CYB5R4: variants seen among roughly 807,000 people sequenced by gnomAD.
The protein encoded by CYB5R4 is cytochrome b5 reductase 4, also known as N-terminal cytochrome b5 and cytochrome b5 oxidoreductase domain-containing protein.
CYB5R4 carries 55 observed loss-of-function variants against 70.2 expected under a neutral mutation model. The observed-to-expected ratio is 0.78, with a 90% confidence interval of 0.63 to 0.98. CYB5R4 has a LOEUF of 0.98. Ranked by LOEUF, CYB5R4 falls within the 50% of genes least tolerant of loss-of-function variation. The pLI, the probability that CYB5R4 is intolerant of heterozygous loss-of-function variation, is 0.00. For missense variants in CYB5R4, 562 were observed against 612.6 expected (o/e 0.92, Z 0.87); for synonymous variants, 197 against 199.5 (o/e 0.99, Z 0.11).
chr6:83,921,458 T>G (rs577681583), intron 8 of CYB5R4, among the ~76,000 whole-genome samples: 34 of 152,344 alleles, frequency 2.2e-4, no homozygotes, highest in Middle Eastern at 6.8e-3. Flanking sequence ...GCCTGACACC[T>G]ACAAGAAGTC....
chr6:83,864,400 C>G, intron 2 of CYB5R4, 72 bp downstream of exon 2: 1 of 1,318,134 alleles, frequency 7.6e-7, no homozygotes, highest in Admixed American at 2.3e-5. Flanking sequence ...CATAACCTCA[C>G]AGTCATGTTA....
chr6:83,898,864 G>A (rs1046095269), intron 3 of CYB5R4, among the ~76,000 whole-genome samples: 2 of 152,144 alleles, frequency 1.3e-5, no homozygotes, highest in Admixed American at 1.3e-4. Flanking sequence ...GAGATTTTGG[G>A]CTGAGATGAT....
rs1375318110 is a variant in CYB5R4 at position 83,859,841 on chromosome 6, C to G, written c.59C>G (p.Ser20Cys). 6.2e-7 allele frequency: 1 copy of G among 1,612,856 alleles called. No individual in the cohort carries two copies. Among genetic ancestry groups the G allele is most frequent in the African/African-American group, 1.3e-5 (1 of 74,918 alleles). The change falls in exon 1 of 16, where the codon TCC becomes TGC. Residue 20 changes from serine to cysteine, a missense_variant. Coordinates refer to ENST00000369681, the MANE Select transcript of CYB5R4 (RefSeq NM_016230.4). ...PAPRSQQRVA[S>C]GGRSKVPLKQ... ...CCCAGGTCGCAGCAGCGTGTCGCCTCCGGGGGGCGTAGCAAGGTAAGCGGG... is the reference window on the plus strand; with the variant it reads ...CCCAGGTCGCAGCAGCGTGTCGCCTGCGGGGGGCGTAGCAAGGTAAGCGGG...
chr6:83,905,330 A>G (rs1054184356), intron 3 of CYB5R4, among the ~76,000 whole-genome samples: 3 of 152,150 alleles, frequency 2.0e-5, no homozygotes, highest in Non-Finnish European at 4.4e-5. Flanking sequence ...GTGCGGAGCC[A>G]CTGCGCCCGG....
At chr6:83,947,569 T>G (rs969554484) in intron 14 of CYB5R4, among the ~76,000 whole-genome samples, 1 of 152,120 alleles carries the variant, frequency 6.6e-6, no homozygotes, top group Non-Finnish European at 1.5e-5. Context: ...ATTAAGAGCT[T>G]CTGTATAGCA....
chr6:83,891,681 G>A (rs147096039), intron 2 of CYB5R4, among the ~76,000 whole-genome samples: 6 of 152,038 alleles, frequency 3.9e-5, no homozygotes, highest in Non-Finnish European at 7.4e-5. Context: ...AGTTTTTTTC[G>A]TCTGGAAAGC....
intron 2 of CYB5R4, among the ~76,000 whole-genome samples, chr6:83,880,849 T>C (rs542935251): frequency 3.3e-5 from 5 of 152,326 alleles, no homozygotes; most frequent in Middle Eastern, 6.8e-3. Flanking sequence ...TGCATTGGCA[T>C]CAATATTGGG....
chr6:83,899,264 C>T (rs1278769840), intron 3 of CYB5R4, among the ~76,000 whole-genome samples: 2 of 152,156 alleles, frequency 1.3e-5, no homozygotes, highest in South Asian at 2.1e-4. Context: ...TGCTGGATTA[C>T]GTTTATTGAT....
intron 2 of CYB5R4, among the ~76,000 whole-genome samples, chr6:83,871,634 GTTTTTC>G (rs906252472): frequency 2.6e-5 from 4 of 151,876 alleles, no homozygotes; most frequent in African/African-American, 9.7e-5. Flanking sequence ...TTGTGGGAAA[GTTTTTC>G]TTTTTTATTA....
Position 83,918,064 on chromosome 6 carries a change from A to G in CYB5R4, c.505A>G (p.Ser169Gly). ...TLAKEGPSYP[S>G]YDWFQTDSLV... is the part of the protein sequence containing the mutation. Reference sequence around the variant, plus strand: ...TGCCAAAGAAGGTCCTAGTTATCCAAGGTATGCATTCTTATTTAAAATTTT... The same window carrying G: ...TGCCAAAGAAGGTCCTAGTTATCCAGGGTATGCATTCTTATTTAAAATTTT... Residue 169 changes from serine (S) to glycine (G), a missense_variant and splice_region_variant, in exon 6 of 16, where the codon AGC becomes GGC. Ser to Gly is a moderately conservative substitution (Grantham distance 56). Transcript: ENST00000369681. 1 of 1,608,664 alleles carries G rather than the reference A, an allele frequency of 6.2e-7. No homozygotes were observed. Among genetic ancestry groups the G allele is most frequent in the Non-Finnish European group, 8.5e-7 (1 of 1,175,700 alleles).
intron 2 of CYB5R4, among the ~76,000 whole-genome samples, chr6:83,886,338 C>G (rs2099460246): frequency 6.6e-6 from 1 of 152,162 alleles, no homozygotes; most frequent in Non-Finnish European, 1.5e-5. Flanking sequence ...TCCACATGAA[C>G]TTTAGAGGGG....
chr6:83,943,462 T>C (rs1335656043), intron 14 of CYB5R4, among the ~76,000 whole-genome samples: 1 of 148,080 alleles, frequency 6.8e-6, no homozygotes, highest in East Asian at 2.0e-4. Context: ...CATCCAAAGG[T>C]CACCAACAGC....
intron 1 of CYB5R4, among the ~76,000 whole-genome samples, chr6:83,862,226 A>G (rs1320553097): frequency 6.6e-6 from 1 of 152,206 alleles, no homozygotes; most frequent in Admixed American, 6.5e-5. Flanking sequence ...TTCAGATCTC[A>G]CAGACTTGAG....
chr6:83,870,213 T>C (rs1259758080), intron 2 of CYB5R4, among the ~76,000 whole-genome samples: 1 of 152,218 alleles, frequency 6.6e-6, no homozygotes, highest in Non-Finnish European at 1.5e-5. Flanking sequence ...GCTAATTCAG[T>C]GTTTGCAGCA....
At chr6:83,860,678 C>T (rs963242295) in intron 1 of CYB5R4, among the ~76,000 whole-genome samples, 2 of 152,182 alleles carry the variant, frequency 1.3e-5, no homozygotes, top group African/African-American at 4.8e-5. Flanking sequence ...TCGGTTAACT[C>T]TTGAGTCTTA....
At chr6:83,914,838 AT>A (rs148327073) in intron 5 of CYB5R4, among the ~76,000 whole-genome samples, 9,806 of 145,076 alleles carry the variant, frequency 0.068, 455 homozygotes, top group Non-Finnish European at 0.096. Flanking sequence ...CCCGGCCTAG[AT>A]TTTTTTTTTT....
intron 2 of CYB5R4, among the ~76,000 whole-genome samples, chr6:83,866,341 A>C (rs1368454687): frequency 1.3e-5 from 2 of 152,172 alleles, no homozygotes; most frequent in East Asian, 3.8e-4. Context: ...TGGGATCAGA[A>C]GTATTTTGAA....
At chr6:83,898,396 A>G (rs6929055) in intron 3 of CYB5R4, among the ~76,000 whole-genome samples, 36,729 of 150,468 alleles carry the variant, frequency 0.24, 7,881 homozygotes, top group African/African-American at 0.6. Flanking sequence ...GTCAGGTAGC[A>G]TGATGCCTCC....
intron 3 of CYB5R4, among the ~76,000 whole-genome samples, chr6:83,906,229 G>A (rs934638883): frequency 6.6e-6 from 1 of 152,200 alleles, no homozygotes; most frequent in Non-Finnish European, 1.5e-5. Context: ...CTGGTGACTT[G>A]CTCTTGCCTC....
Sources: gnomAD v4.1 joint callset for allele counts (sites outside exome capture counted in the v4.1 genomes callset) on GRCh38, gnomAD v4.1.1 for gene constraint, MANE v1.5 for transcripts, NCBI Gene and HGNC (gene_info 2026-07-23, HGNC 2026-07-21) for gene names.